ZC3H18: variants seen among roughly 807,000 people sequenced by gnomAD.
ZC3H18 encodes zinc finger CCCH domain-containing protein 18.
A neutral mutation model predicts 106.1 loss-of-function variants in ZC3H18; 8 were observed. The observed-to-expected ratio is 0.08, with a 90% CI of 0.04 to 0.14. The LOEUF is 0.14. Among genes scored for constraint, ZC3H18 ranks in the 10% least tolerant of loss-of-function variants. The probability of loss-of-function intolerance (pLI) is 1.00; values close to 1 mark genes in which losing one functional copy is unlikely to be tolerated. For missense variants in ZC3H18, 1,318 were observed against 1,278.4 expected (o/e 1.03, Z -0.47); for synonymous variants, 635 against 522.1 (o/e 1.22, Z -2.95).
At chr16:88,628,196 CT>C in intron 15 of ZC3H18, 77 bp downstream of exon 15, 3 of 1,542,260 alleles carry the variant, frequency 1.9e-6, no homozygotes, top group Non-Finnish European at 2.6e-6. Context: ...CAGCTTCCTC[CT>C]GGGGGACGGA....
chr16:88,596,303 A>C (rs919565335), intron 3 of ZC3H18, among the ~76,000 whole-genome samples: 2 of 152,164 alleles, frequency 1.3e-5, no homozygotes, highest in African/African-American at 4.8e-5. Context: ...TACAGAAAAG[A>C]ACGATAACAT....
chr16:88,574,793 C>T (rs1914637870), intron 1 of ZC3H18, among the ~76,000 whole-genome samples: 1 of 148,708 alleles, frequency 6.7e-6, no homozygotes, highest in East Asian at 2.0e-4. Context: ...GGATTACAGG[C>T]ATGAACCACC....
At chr16:88,618,187 T>C (rs1034830325) in intron 8 of ZC3H18, among the ~76,000 whole-genome samples, 4 of 142,866 alleles carry the variant, frequency 2.8e-5, no homozygotes, top group African/African-American at 1.0e-4. Flanking sequence ...TGGACTCCAC[T>C]TTTTTTTTTT....
chr16:88,629,993 C>T (rs1906559300), intron 16 of ZC3H18, among the ~76,000 whole-genome samples: 1 of 152,238 alleles, frequency 6.6e-6, no homozygotes, highest in Non-Finnish European at 1.5e-5. Context: ...CTGCCCTTGC[C>T]TGGGGTTGGA....
chr16:88,600,027 C>A, intron 6 of ZC3H18, 79 bp downstream of exon 6: 1 of 1,537,208 alleles, frequency 6.5e-7, no homozygotes, highest in Non-Finnish European at 8.8e-7. Flanking sequence ...ATGTGCAGGG[C>A]CCCAGGGTGC....
intron 1 of ZC3H18, among the ~76,000 whole-genome samples, chr16:88,572,208 G>C (rs898536187): frequency 2.0e-5 from 3 of 152,248 alleles, no homozygotes; most frequent in African/African-American, 7.2e-5. Context: ...TTCGCAATGA[G>C]AAGGTCCCCA....
Position 88,598,244 on chromosome 16 carries a change from C to T in ZC3H18, c.755C>T (p.Ser252Phe). 1 of 1,613,882 alleles carries T rather than the reference C, an allele frequency of 6.2e-7. No homozygotes were observed. Among genetic ancestry groups the T allele is most frequent in the Non-Finnish European group, 8.5e-7 (1 of 1,179,900 alleles). Reference protein sequence around the residue: ...HPGVNDKGNYSLITKADPFPP... With the variant: ...HPGVNDKGNYFLITKADPFPP... ...GGAGTGAACGACAAGGGGAACTACT[C>T]CCTAATCACCAAAGCCGACCCCTTC... is the stretch of plus-strand genomic sequence containing the variant. Residue 252 changes from serine to phenylalanine, a missense_variant, in exon 4 of 18, where the codon TCC (serine) becomes TTC (phenylalanine). Coordinates refer to ENST00000301011, the MANE Select transcript of ZC3H18 (RefSeq NM_144604.4).
rs1174067573 is a variant in ZC3H18 at position 88,598,251 on chromosome 16, C to T, written c.762C>T (p.Ile254=). ...GVNDKGNYSL[I]TKADPFPPNG... is the part of the protein sequence containing the mutation. ...ACGACAAGGGGAACTACTCCCTAAT[C>T]ACCAAAGCCGACCCCTTCCCGCCTA... The change falls in exon 4 of 18, where the codon ATC becomes ATT. Residue 254 remains isoleucine, a synonymous_variant. Transcript: ENST00000301011. 1 of 1,613,662 alleles carries T rather than the reference C, an allele frequency of 6.2e-7. No individual in the cohort carries two copies. Among genetic ancestry groups the T allele is most frequent in the Non-Finnish European group, 8.5e-7 (1 of 1,179,892 alleles).
At position 88,617,189 on chromosome 16, in the gene ZC3H18, C is replaced by T. The variant is rs188640184; in HGVS notation, c.1476-5008C>T. On this transcript the variant is annotated intron_variant, in intron 8 of 17. Coordinates refer to ENST00000301011, the MANE Select transcript of ZC3H18 (RefSeq NM_144604.4). ...CCCTCTTTCCTGAGGTTCTCTCTTA[C>T]TGCCTAAGCTGTTTGGCTCTGGGAG... 1.1e-4 allele frequency among the ~76,000 whole-genome samples: 17 copies of T among 152,312 alleles called. No individual in the cohort carries two copies. The East Asian group carries it at 3.3e-3, about 29-fold the overall frequency.
intron 1 of ZC3H18, among the ~76,000 whole-genome samples, chr16:88,574,754 TC>T (rs1914635034): frequency 6.9e-6 from 1 of 145,790 alleles, no homozygotes; most frequent in Admixed American, 7.0e-5. Flanking sequence ...ACTCAAGTGA[TC>T]CGCCCACCTC....
At chr16:88,580,420 C>T (rs149457118) in intron 2 of ZC3H18, among the ~76,000 whole-genome samples, 2 of 152,204 alleles carry the variant, frequency 1.3e-5, no homozygotes, top group Non-Finnish European at 2.9e-5. Context: ...CGCTCAAGAG[C>T]CAGTCACAGA....
intron 3 of ZC3H18, among the ~76,000 whole-genome samples, chr16:88,595,479 T>C (rs7199782): frequency 4.4e-4 from 56 of 126,342 alleles, no homozygotes; most frequent in South Asian, 1.0e-3. Context: ...TCTTTCTTTT[T>C]TTTTTTTTTT....
chr16:88,593,282 A>G (rs1315478661), intron 3 of ZC3H18, among the ~76,000 whole-genome samples: 1 of 152,194 alleles, frequency 6.6e-6, no homozygotes, highest in Non-Finnish European at 1.5e-5. Context: ...CACAGTGAGC[A>G]CAGCACCGCC....
intron 8 of ZC3H18, among the ~76,000 whole-genome samples, chr16:88,615,686 A>C (rs1285975353): frequency 6.6e-6 from 1 of 152,194 alleles, no homozygotes; most frequent in African/African-American, 2.4e-5. Flanking sequence ...AGTGATATCC[A>C]CGTGGAAGGT....
chr16:88,623,215 C>G lies in ZC3H18; in HGVS notation c.1668-4C>G, dbSNP rs370484134. The G allele has an allele frequency of 3.6e-5, 58 of 1,612,112 alleles. No individual in the cohort carries two copies. The highest frequency in any genetic ancestry group is 4.3e-5 in the Non-Finnish European group (51 of 1,179,840). Reference sequence around the variant, plus strand: ...CTCGCCACGCTCCGTCCCGCCCGCCCCAGGTCGTCTTCGCGGTCATCGTCC... The same window carrying G: ...CTCGCCACGCTCCGTCCCGCCCGCCGCAGGTCGTCTTCGCGGTCATCGTCC... On this transcript the variant is annotated splice_region_variant and splice_polypyrimidine_tract_variant and intron_variant, in intron 9 of 17. Transcript: ENST00000301011.
At position 88,627,876 on chromosome 16, in the gene ZC3H18, G is replaced by A. The variant is rs776588055; in HGVS notation, c.2270-44G>A. On this transcript the variant is annotated intron_variant, in intron 14 of 17. Transcript: ENST00000301011. This position sits in a 1 kb window ranked among gnomAD's most constrained non-coding sequence, Gnocchi z 4.5. ...TGCCTGGCTGTTGGTGTGGCCATGG[G>A]AAAATCACCAGTACCCCCATGACTG... is the stretch of plus-strand genomic sequence containing the variant. The A allele has an allele frequency of 6.2e-6, 10 of 1,613,182 alleles. No individual in the cohort carries two copies. The African/African-American group carries it at 6.7e-5, about 11-fold the overall frequency.
rs183774783 is a variant in ZC3H18, at chr16:88,576,693, C to T, written c.-14-417C>T. ...AGAAAAATGGTGAGATCTGGGCCTG[C>T]AGTTTTGCTTCCTCGTTCCATGATA... On this transcript the variant is annotated intron_variant, in intron 1 of 17. Transcript: ENST00000301011. Among the ~76,000 whole-genome samples, 23 of 152,316 alleles carry T rather than the reference C, an allele frequency of 1.5e-4. No homozygotes were observed. The East Asian group carries it at 4.2e-3, about 28-fold the overall frequency.
At chr16:88,594,114 C>G (rs1258199952) in intron 3 of ZC3H18, among the ~76,000 whole-genome samples, 1 of 152,170 alleles carries the variant, frequency 6.6e-6, no homozygotes, top group Non-Finnish European at 1.5e-5. Flanking sequence ...AATGTCCTCT[C>G]CTGCTTGAGC....
chr16:88,579,549 G>C (rs1193954452), intron 2 of ZC3H18, among the ~76,000 whole-genome samples: 1 of 152,148 alleles, frequency 6.6e-6, no homozygotes, highest in Non-Finnish European at 1.5e-5. Flanking sequence ...ATGGGCGCGG[G>C]CGGTGCGGTA....
Sources: allele counts gnomAD v4.1 joint callset (sites outside exome capture counted in the v4.1 genomes callset), GRCh38; gene constraint gnomAD v4.1.1; non-coding constraint Gnocchi (gnomAD v3.1); transcripts MANE v1.5; gene names NCBI Gene and HGNC (gene_info 2026-07-23, HGNC 2026-07-21).